Variants in ARSA observed in about 807,000 individuals in gnomAD.
The protein encoded by ARSA is cerebroside-sulfatase.
ARSA carries 32 observed loss-of-function variants against 37.8 expected under a neutral mutation model. The ratio of observed to expected loss-of-function variants is 0.85; its 90% CI spans 0.64 to 1.14. The LOEUF is 1.14. Among genes scored for constraint, ARSA ranks in the 50% most tolerant of loss-of-function variants. The pLI is 0.00. For synonymous variants in ARSA, 303 were observed against 303.4 expected, an observed-to-expected ratio of 1.00 and a Z score of 0.01; for missense variants, 685 against 686.3, an observed-to-expected ratio of 1.00 and a Z score of 0.02.
chr22:50,627,026 G>A lies in ARSA; in HGVS notation c.492C>T (p.Phe164=), dbSNP rs745605987. ...DQGPCQNLTC[F]PPATPCDGGC... The stretch of plus-strand genomic sequence containing the variant: ...CACCGTCGCAAGGAGTGGCCGGCGG[G>A]AAGCAGGTCAGGTTCTGGCAGGGGC... Residue 164 remains phenylalanine, a synonymous_variant, in exon 3 of 8, where the codon TTC becomes TTT. Transcript: ENST00000216124. The A allele has an allele frequency of 6.2e-7, 1 of 1,609,360 alleles. No individual in the cohort carries two copies. The highest frequency in any genetic ancestry group is 2.2e-5 in the East Asian group (1 of 44,794).
In ARSA at chr22:50,627,875, C is replaced by G. The variant is rs2082704502; in HGVS notation, c.-96G>C. On this transcript the variant is annotated 5_prime_UTR_variant, in exon 1 of 8. Transcript: ENST00000216124. ...CCCAGGCGCCGCCCTTCCCTGAGAC[C>G]CCGGACCCAAATACTCCCCGACCCT... 1 of 1,263,318 alleles carries G rather than the reference C, an allele frequency of 7.9e-7. No homozygotes were observed. The highest frequency in any genetic ancestry group is 2.5e-5 in the East Asian group (1 of 39,314). The allele number at this position is 1,263,318 out of a possible 1,614,324, so 78.3% of individuals were successfully genotyped here.
rs745783614 is a variant in ARSA at position 50,626,038 on chromosome 22, G to A, written c.1005C>T (p.Ser335=). Residue 335 remains serine (S), a synonymous_variant, in exon 6 of 8, where the codon TCC becomes TCT. Transcript: ENST00000216124. ...CTGCCAGGGTAGGCAGCAGGTCCAG[G>A]GAGCTGGCCAGCTCGTGGGTCACGC... ...APGVTHELAS[S]LDLLPTLAAL... 5 of 1,589,478 alleles carry A rather than the reference G, an allele frequency of 3.1e-6. No homozygotes were observed. Among genetic ancestry groups the A allele is most frequent in the Non-Finnish European group, 4.3e-6 (5 of 1,170,068 alleles).
intron 6 of ARSA, 90 bp from the exon 7 acceptor site, chr22:50,625,771 G>T: frequency 1.3e-6 from 2 of 1,557,786 alleles, no homozygotes; most frequent in Non-Finnish European, 1.8e-6. Context: ...GGCCCTGGAC[G>T]TGCACCGCTT....
rs199476370 is a variant in ARSA at position 50,625,633 on chromosome 22, G to C, written c.1156C>G (p.Arg386Gly). The C allele has an allele frequency of 6.2e-7, 1 of 1,613,782 alleles. No individual in the cohort carries two copies. The highest frequency in any genetic ancestry group is 1.7e-5 in the Admixed American group (1 of 60,030). The stretch of plus-strand genomic sequence containing the variant: ...CCAGTCCGCACAGCAAAAACCCCAC[G>C]GACCTCGTCTGGGTAGGACGGGTAG... ...FFYPSYPDEV[R>G]GVFAVRTGKY... The change falls in exon 7 of 8, where the codon CGT becomes GGT. Residue 386 changes from arginine (R) to glycine (G), a missense_variant. By Grantham distance (125) the Arg-to-Gly change is moderately radical (BLOSUM62 -2). Transcript: ENST00000216124.
rs1260465133 is a variant in ARSA at position 50,627,376 on chromosome 22, A to T, written c.255T>A (p.Val85=). 1 of 1,605,776 alleles carries T rather than the reference A, an allele frequency of 6.2e-7. No individual in the cohort carries two copies. Among genetic ancestry groups the T allele is most frequent in the African/African-American group, 1.3e-5 (1 of 74,878 alleles). The change falls in exon 2 of 8, where the codon GTT becomes GTA. Residue 85 remains valine, a synonymous_variant. Coordinates refer to ENST00000216124, the MANE Select transcript of ARSA (RefSeq NM_000487.6). ...GGACGCCAGGGTACATGCCCATCCG[A>T]ACCGGGAGCCGGCCGGTCAGGAGGG... is the stretch of plus-strand genomic sequence containing the variant. ...RAALLTGRLP[V]RMGMYPGVLV...
At position 50,626,376 on chromosome 22, in the gene ARSA, G is replaced by A. The variant is rs551769682; in HGVS notation, c.855-98C>T. 5.2e-5 allele frequency: 82 copies of A among 1,561,922 alleles called. 1 individual carries two copies. In the Middle Eastern group the frequency reaches 1.1e-3, roughly 20 times the overall value. On this transcript the variant is annotated intron_variant, in intron 4 of 7. Transcript: ENST00000216124. ...CACCTCTAAGTCACAAAGCTTGCCCGGAGGTGCCCAGCATGAGCCCGGCAC... is the reference window on the plus strand; with the variant it reads ...CACCTCTAAGTCACAAAGCTTGCCCAGAGGTGCCCAGCATGAGCCCGGCAC...
At chr22:50,626,132 A>G in intron 5 of ARSA, 22 bp downstream of exon 5, 4 of 1,599,722 alleles carry the variant, frequency 2.5e-6, no homozygotes, top group Non-Finnish European at 2.6e-6. Flanking sequence ...CAGGGTTCCA[A>G]GGAGAGGGCC....
In ARSA at chr22:50,627,366, T is replaced by C. The variant is rs2082692696; in HGVS notation, c.265A>G (p.Met89Val). Residue 89 changes from methionine to valine, a missense_variant, in exon 2 of 8, where the codon ATG becomes GTG. Met to Val is a conservative substitution (Grantham distance 21). Coordinates refer to ENST00000216124, the MANE Select transcript of ARSA (RefSeq NM_000487.6). ...LTGRLPVRMG[M>V]YPGVLVPSSR... Reference sequence around the variant, plus strand: ...CTGGGCACCAGGACGCCAGGGTACATGCCCATCCGAACCGGGAGCCGGCCG... The same window carrying C: ...CTGGGCACCAGGACGCCAGGGTACACGCCCATCCGAACCGGGAGCCGGCCG... 2 of 1,603,314 alleles carry C rather than the reference T, an allele frequency of 1.2e-6. No individual in the cohort carries two copies. The highest frequency in any genetic ancestry group is 1.7e-6 in the Non-Finnish European group (2 of 1,176,718).
At position 50,627,935 on chromosome 22, in the gene ARSA, C is replaced by T; in HGVS notation, c.-156G>A. 1 of 714,578 alleles carries T rather than the reference C, an allele frequency of 1.4e-6. No homozygotes were observed. Among genetic ancestry groups the T allele is most frequent in the Admixed American group, 2.8e-5 (1 of 35,346 alleles). The allele number at this position is 714,578 out of a possible 1,614,324, so 44.3% of individuals were successfully genotyped here. ...CTCCTGAAGCTCCAGAGGGCCGGGG[C>T]CCGACAGTACCGGGAGACCGCGGGC... On this transcript the variant is annotated 5_prime_UTR_variant, in exon 1 of 8. Transcript: ENST00000216124.
Position 50,625,064 on chromosome 22 carries a change from C to G in ARSA, c.*81G>C, listed in dbSNP as rs1038594113. 8.5e-6 allele frequency: 12 copies of G among 1,415,854 alleles called. No homozygotes were observed. In the African/African-American group the frequency reaches 1.3e-4, roughly 15 times the overall value. The allele number at this position is 1,415,854 out of a possible 1,614,324, so 87.7% of individuals were successfully genotyped here. ...ACTGGTGTTATTACGTTATCAGGCA[C>G]AAACCCCCTCCAGACACCTGAGCCT... On this transcript the variant is annotated 3_prime_UTR_variant, in exon 8 of 8. Coordinates refer to ENST00000216124, the MANE Select transcript of ARSA (RefSeq NM_000487.6).
Position 50,626,637 on chromosome 22 carries a change from G to C in ARSA, c.808C>G (p.Leu270Val), listed in dbSNP as rs2082673924. The change falls in exon 4 of 8, where the codon CTG becomes GTG. Residue 270 changes from leucine to valine, a missense_variant. Physicochemically the swap from Leu to Val is conservative, Grantham distance 32. Transcript: ENST00000216124. ...ACCAGCGTCTCTTCAAGCAGCCCCA[G>C]GTCCCCTATGGCTGTCATCAGGGTC... ...VGTLMTAIGD[L>V]GLLEETLVIF... 2 of 1,613,958 alleles carry C rather than the reference G, an allele frequency of 1.2e-6. No individual in the cohort carries two copies. The highest frequency in any genetic ancestry group is 1.3e-5 in the African/African-American group (1 of 74,940).
At position 50,627,739 on chromosome 22, in the gene ARSA, G is replaced by GC; in HGVS notation, c.40dup (p.Ala14GlyfsTer62). 1 of 1,551,098 alleles carries GC rather than the reference G, an allele frequency of 6.4e-7. No homozygotes were observed. Among genetic ancestry groups the GC allele is most frequent in the Non-Finnish European group, 8.7e-7 (1 of 1,147,718 alleles). ...CGGACGGGCAACGGCCAGGCCAGCA[G>GC]CCAGGGCCAGGAGGAGGGACCGCGG... On this transcript the variant is annotated frameshift_variant, in exon 1 of 8. Coordinates refer to ENST00000216124, the MANE Select transcript of ARSA (RefSeq NM_000487.6). LOFTEE classifies it high-confidence loss of function.
In ARSA at chr22:50,624,837, G is replaced by A. The variant is rs942955205; in HGVS notation, c.*308C>T. ...CGTGTGCCTGTGTGCACTGACCCACGCAGATCACCAAGGCGCCAGGGCAGC... is the reference window on the plus strand; with the variant it reads ...CGTGTGCCTGTGTGCACTGACCCACACAGATCACCAAGGCGCCAGGGCAGC... On this transcript the variant is annotated 3_prime_UTR_variant, in exon 8 of 8. Coordinates refer to ENST00000216124, the MANE Select transcript of ARSA (RefSeq NM_000487.6). Among the ~76,000 whole-genome samples the A allele has an allele frequency of 1.9e-4, 28 of 143,890 alleles. No individual in the cohort carries two copies. Among genetic ancestry groups the A allele is most frequent in the African/African-American group, 6.5e-4 (25 of 38,638 alleles). The allele number at this position is 143,890 out of a possible 152,430, so 94.4% of individuals were successfully genotyped here.
rs527640350 is a variant in ARSA, at chr22:50,626,844, T to C, written c.674A>G (p.Tyr225Cys). 55 of 1,612,942 alleles carry C rather than the reference T, an allele frequency of 3.4e-5. No homozygotes were observed. In the South Asian group the frequency reaches 4.0e-4, roughly 12 times the overall value. ...QRQDRPFFLY[Y>C]ASHHTHYPQF... Reference sequence around the variant, plus strand: ...GCCAAGATCACTTACGTGAGAGGCATAGTACAGGAAGAAGGGGCGATCCTG... The same window carrying C: ...GCCAAGATCACTTACGTGAGAGGCACAGTACAGGAAGAAGGGGCGATCCTG... Residue 225 changes from tyrosine (Y) to cysteine (C), a missense_variant, in exon 3 of 8, where the codon TAT (tyrosine) becomes TGT (cysteine). Transcript: ENST00000216124.
Position 50,625,338 on chromosome 22 carries a change from C to T in ARSA, c.1337G>A (p.Gly446Asp), listed in dbSNP as rs900822766. 3 of 1,611,468 alleles carry T rather than the reference C, an allele frequency of 1.9e-6. No homozygotes were observed. The highest frequency in any genetic ancestry group is 1.1e-5 in the South Asian group (1 of 90,934). ...CACCTCTGGGGTGGCCCCGGCCACA[C>T]CCCCCAGCAGGTTGTAGTTCTCACC... The part of the protein sequence containing the change: ...DPGENYNLLG[G>D]VAGATPEVLQ... The change falls in exon 8 of 8, where the codon GGT becomes GAT. Residue 446 changes from glycine to aspartate, a missense_variant. Transcript: ENST00000216124.
rs892879697 is a variant in ARSA at position 50,624,305 on chromosome 22, A to T, written c.*840T>A. ...AGGCTGGTCTCGAACTCCCGACCTC[A>T]GGTGATCCACCCGCCTCGGCTTCCT... On this transcript the variant is annotated 3_prime_UTR_variant, in exon 8 of 8. Transcript: ENST00000216124. Among the ~76,000 whole-genome samples the T allele has an allele frequency of 1.3e-5, 2 of 152,196 alleles. No homozygotes were observed. The highest frequency in any genetic ancestry group is 6.5e-5 in the Admixed American group (1 of 15,278).
At position 50,625,003 on chromosome 22, in the gene ARSA, C is replaced by T; in HGVS notation, c.*142G>A. 1 of 1,054,334 alleles carries T rather than the reference C, an allele frequency of 9.5e-7. No individual in the cohort carries two copies. The highest frequency in any genetic ancestry group is 1.3e-6 in the Non-Finnish European group (1 of 754,590). 65.3% of individuals were successfully genotyped at this position (1,054,334 alleles called of 1,614,324 possible). On this transcript the variant is annotated 3_prime_UTR_variant, in exon 8 of 8. Coordinates refer to ENST00000216124, the MANE Select transcript of ARSA (RefSeq NM_000487.6). ...ACCGGCACCAGCACACAGCATTACC[C>T]CAGGATTGGACGAATTGTCACATCT...
Position 50,628,131 on chromosome 22 carries a change from G to C in ARSA, c.-352C>G, listed in dbSNP as rs1005334544. On this transcript the variant is annotated 5_prime_UTR_variant, in exon 1 of 8. Transcript: ENST00000216124. ...AGGGAGCCCAGGAGGAGCCGGTACC[G>C]GGCTGCGGGCGCTTCCGCCTCGGCC... The C allele has an allele frequency of 4.0e-5, 8 of 201,050 alleles. No homozygotes were observed. Among genetic ancestry groups the C allele is most frequent in the Admixed American group, 1.1e-4 (2 of 18,752 alleles). The allele number at this position is 201,050 out of a possible 1,614,324, so 12.5% of individuals were successfully genotyped here.
chr22:50,627,297 C>A lies in ARSA; in HGVS notation c.334G>T (p.Val112Phe), dbSNP rs748753848. The change falls in exon 2 of 8, where the codon GTC becomes TTC. Residue 112 changes from valine to phenylalanine, a missense_variant. Coordinates refer to ENST00000216124, the MANE Select transcript of ARSA (RefSeq NM_000487.6). Reference sequence around the variant, plus strand: ...GTGAGGTAGCCTCGGGCAGCCAGGACTTCGGCCACGGTCACCTCCTCCAGG... The same window carrying A: ...GTGAGGTAGCCTCGGGCAGCCAGGAATTCGGCCACGGTCACCTCCTCCAGG... The part of the protein sequence containing the change: ...LPLEEVTVAE[V>F]LAARGYLTGM... 1.3e-6 allele frequency: 2 copies of A among 1,588,582 alleles called. No homozygotes were observed. Among genetic ancestry groups the A allele is most frequent in the Non-Finnish European group, 8.6e-7 (1 of 1,168,442 alleles).
Sources: allele counts gnomAD v4.1 joint callset (sites outside exome capture counted in the v4.1 genomes callset), GRCh38; gene constraint gnomAD v4.1.1; transcripts MANE v1.5; gene names NCBI Gene and HGNC (gene_info 2026-07-23, HGNC 2026-07-21).